Variants in TSHZ2 observed in about 807,000 individuals in gnomAD.
The protein encoded by TSHZ2 is teashirt homolog 2.
Under a neutral mutation model 74.4 loss-of-function variants are expected in TSHZ2, and 21 were observed. The observed-to-expected ratio is 0.28, with a 90% CI of 0.20 to 0.41. TSHZ2 has a LOEUF of 0.41. Ranked by LOEUF, TSHZ2 falls within the 10% of genes least tolerant of loss-of-function variation. The probability of loss-of-function intolerance (pLI) is 1.00; values close to 1 mark genes in which losing one functional copy is unlikely to be tolerated. For missense variants in TSHZ2, 1,244 were observed against 1,293.5 expected, an observed-to-expected ratio of 0.96 and a Z score of 0.59; for synonymous variants, 540 against 515.3, an observed-to-expected ratio of 1.05 and a Z score of -0.65.
chr20:53,137,822 A>G (rs1396906075), intron 1 of TSHZ2, among the ~76,000 whole-genome samples: 2 of 152,182 alleles, frequency 1.3e-5, no homozygotes, highest in East Asian at 1.9e-4. Context: ...GCTCCAAACA[A>G]TATTTCCACA....
intron 2 of TSHZ2, among the ~76,000 whole-genome samples, chr20:53,482,148 G>C (rs1188764430): frequency 3.0e-5 from 4 of 133,396 alleles, no homozygotes; most frequent in Non-Finnish European, 6.3e-5. Flanking sequence ...ACTATACTCA[G>C]ATATTCTTGG....
intron 1 of TSHZ2, among the ~76,000 whole-genome samples, chr20:53,042,477 T>G (rs1984076247): frequency 6.6e-6 from 1 of 152,150 alleles, no homozygotes; most frequent in Admixed American, 6.5e-5. Context: ...CTCAATAAAT[T>G]CTGACAATGC....
chr20:53,431,789 C>A lies in TSHZ2; in HGVS notation c.*9-55355C>A, dbSNP rs145488327. ...TTCATACCTATTTTAAGATATTTCT[C>A]TAAGTGTCTACTATGTGCCAAGTAA... On this transcript the variant is annotated intron_variant, in intron 2 of 2. Coordinates refer to ENST00000371497, the MANE Select transcript of TSHZ2 (RefSeq NM_173485.6). Among the ~76,000 whole-genome samples the A allele has an allele frequency of 3.8e-3, 579 of 152,296 alleles. 6 individuals carry two copies. The highest frequency in any genetic ancestry group is 6.8e-3 in the Middle Eastern group (2 of 294).
At chr20:53,447,990 G>A (rs914298192) in intron 2 of TSHZ2, among the ~76,000 whole-genome samples, 19 of 150,720 alleles carry the variant, frequency 1.3e-4, no homozygotes, top group Admixed American at 2.7e-4. Context: ...CTCGGCTCAC[G>A]GCAAGCTCTG....
chr20:53,393,665 A>AACACACAC (rs113428598), intron 2 of TSHZ2, among the ~76,000 whole-genome samples: 163 of 148,530 alleles, frequency 1.1e-3, no homozygotes, highest in African/African-American at 1.5e-3. Flanking sequence ...TACACACGCA[A>AACACACAC]ACACACACAC....
intron 2 of TSHZ2, among the ~76,000 whole-genome samples, chr20:53,403,135 G>A (rs1412167857): frequency 6.6e-6 from 1 of 152,152 alleles, no homozygotes; most frequent in Non-Finnish European, 1.5e-5. Flanking sequence ...TTAGCTCCTA[G>A]TTATGAGAAC....
chr20:53,251,844 C>A (rs1043387380), intron 1 of TSHZ2, among the ~76,000 whole-genome samples: 7 of 152,182 alleles, frequency 4.6e-5, no homozygotes, highest in African/African-American at 1.7e-4. Flanking sequence ...TAACCTTTAG[C>A]CTTTGGGTCT....
chr20:53,203,626 C>T (rs1042587489), intron 1 of TSHZ2, among the ~76,000 whole-genome samples: 2 of 152,046 alleles, frequency 1.3e-5, no homozygotes, highest in Admixed American at 1.3e-4. Context: ...ACTGCCTCCC[C>T]TAGGAGGGCA....
At chr20:53,002,403 C>T (rs959064662) in intron 1 of TSHZ2, among the ~76,000 whole-genome samples, 1 of 152,150 alleles carries the variant, frequency 6.6e-6, no homozygotes, top group Admixed American at 6.5e-5. Context: ...ATGAAAGAAA[C>T]TGTCATACAT....
intron 2 of TSHZ2, among the ~76,000 whole-genome samples, chr20:53,260,357 C>G (rs1990578773): frequency 6.6e-6 from 1 of 152,184 alleles, no homozygotes; most frequent in Non-Finnish European, 1.5e-5. Context: ...TCCCCAAGGT[C>G]CTACAATCTC....
In TSHZ2 at chr20:53,250,944, C is replaced by T. The variant is rs144305576; in HGVS notation, c.41-2555C>T. Among the ~76,000 whole-genome samples, 1,147 of 151,518 alleles carry T rather than the reference C, an allele frequency of 7.6e-3. 16 individuals are homozygous for T. Among genetic ancestry groups the T allele is most frequent in the African/African-American group, 0.026 (1,085 of 41,184 alleles). On this transcript the variant is annotated intron_variant, in intron 1 of 2. Transcript: ENST00000371497. The stretch of plus-strand genomic sequence containing the variant: ...GTGTGTGTGTGTATGCACAGGTGCA[C>T]GCATTAGAGTGCATGTATGTATATT...
chr20:53,231,630 C>G (rs1394089193), intron 1 of TSHZ2, among the ~76,000 whole-genome samples: 1 of 152,112 alleles, frequency 6.6e-6, no homozygotes, highest in Non-Finnish European at 1.5e-5. Context: ...ATTTACTGAG[C>G]ATTTACTACG....
intron 1 of TSHZ2, among the ~76,000 whole-genome samples, chr20:53,037,610 T>G (rs1190803355): frequency 6.6e-6 from 1 of 152,212 alleles, no homozygotes. Flanking sequence ...ACGGGTAAGT[T>G]TCTAGGGGTC....
At chr20:53,192,144 T>G (rs1175065751) in intron 1 of TSHZ2, among the ~76,000 whole-genome samples, 1 of 152,080 alleles carries the variant, frequency 6.6e-6, no homozygotes, top group East Asian at 1.9e-4. Context: ...CTCAGAGTGG[T>G]TGATCAACTT....
intron 1 of TSHZ2, among the ~76,000 whole-genome samples, chr20:53,114,717 AC>A (rs1986623439): frequency 6.6e-6 from 1 of 152,118 alleles, no homozygotes; most frequent in Non-Finnish European, 1.5e-5. Context: ...TTTACACACA[AC>A]CCTAATTTCC....
intron 2 of TSHZ2, among the ~76,000 whole-genome samples, chr20:53,468,255 A>C (rs906220815): frequency 6.6e-6 from 1 of 152,224 alleles, no homozygotes; most frequent in African/African-American, 2.4e-5. Context: ...TTAAGACTCC[A>C]TAATCCCATC....
intron 2 of TSHZ2, among the ~76,000 whole-genome samples, chr20:53,325,624 G>A (rs544235700): frequency 9.8e-5 from 15 of 152,290 alleles, no homozygotes; most frequent in African/African-American, 3.6e-4. Flanking sequence ...TCTACACATC[G>A]TATAATGGAG....
intron 2 of TSHZ2, among the ~76,000 whole-genome samples, chr20:53,432,458 T>C (rs939923889): frequency 6.6e-6 from 1 of 152,252 alleles, no homozygotes; most frequent in Non-Finnish European, 1.5e-5. Flanking sequence ...CCTTTTGATA[T>C]AACAATTTAT....
chr20:53,459,966 C>A (rs1204911863), intron 2 of TSHZ2, among the ~76,000 whole-genome samples: 1 of 152,118 alleles, frequency 6.6e-6, no homozygotes, highest in African/African-American at 2.4e-5. Context: ...GTAACCCGAC[C>A]TTTCTCTCTG....
Sources: allele counts gnomAD v4.1 joint callset (sites outside exome capture counted in the v4.1 genomes callset), GRCh38; gene constraint gnomAD v4.1.1; transcripts MANE v1.5; gene names NCBI Gene and HGNC (gene_info 2026-07-23, HGNC 2026-07-21).